Variants in RGS2 observed in about 807,000 individuals in gnomAD.
RGS2 encodes G0 to G1 switch regulatory 8, 24kD.
In RGS2, 20 loss-of-function variants were observed where a neutral mutation model predicts 26.6. The observed-to-expected ratio is 0.75, with a 90% CI of 0.53 to 1.09. RGS2 has a LOEUF of 1.09. Among genes scored for constraint, RGS2 ranks in the 50% least tolerant of loss-of-function variants. The pLI is 0.00. For missense variants in RGS2, 246 were observed against 245.5 expected (o/e 1.00, Z -0.01); for synonymous variants, 97 against 79.9 (o/e 1.21, Z -1.14).
At position 192,811,156 on chromosome 1, in the gene RGS2, A is replaced by G. The variant is rs761391867; in HGVS notation, c.441+9A>G. On this transcript the variant is annotated intron_variant, in intron 4 of 4. Transcript: ENST00000235382. ...AGGAAGCTCCAAAAGAGGTAAGGAA[A>G]CAAGTTCCTAATTTCAGCACAATCT... The G allele has an allele frequency of 8.7e-6, 14 of 1,613,832 alleles. No individual in the cohort carries two copies. The Admixed American group carries it at 1.8e-4, about 21-fold the overall frequency.
At chr1:192,810,567 C>T (rs866910811) in intron 3 of RGS2, 136 bp downstream of exon 3, 1 of 782,170 alleles carries the variant, frequency 1.3e-6, no homozygotes, top group Non-Finnish European at 2.2e-6. Flanking sequence ...TTTTTCTTTC[C>T]TTTATTTCCC....
Position 192,811,143 on chromosome 1 carries a change from A to C in RGS2, c.437A>C (p.Lys146Thr). The change falls in exon 4 of 5, where the codon AAA becomes ACA. Residue 146 changes from lysine (K) to threonine (T), a missense_variant. Transcript: ENST00000235382. ...GACTTCATAGAAAAGGAAGCTCCAAAAGAGGTAAGGAAACAAGTTCCTAAT... is the reference window on the plus strand; with the variant it reads ...GACTTCATAGAAAAGGAAGCTCCAACAGAGGTAAGGAAACAAGTTCCTAAT... ...YTDFIEKEAP[K>T]EINIDFQTKT... is the part of the protein sequence containing the mutation. 1 of 1,614,126 alleles carries C rather than the reference A, an allele frequency of 6.2e-7. No individual in the cohort carries two copies. The highest frequency in any genetic ancestry group is 1.3e-5 in the African/African-American group (1 of 75,046).
chr1:192,811,117 T>G lies in RGS2; in HGVS notation c.411T>G (p.Thr137=), dbSNP rs1557910856. Residue 137 remains threonine, a synonymous_variant, in exon 4 of 5, where the codon ACT becomes ACG. Transcript: ENST00000235382. The part of the protein sequence containing the change: ...KLSSKARKIY[T]DFIEKEAPKE... ...CCTCAAAAGCAAGGAAAATATATAC[T>G]GACTTCATAGAAAAGGAAGCTCCAA... 6.2e-7 allele frequency: 1 copy of G among 1,614,172 alleles called. No individual in the cohort carries two copies. Among genetic ancestry groups the G allele is most frequent in the East Asian group, 2.2e-5 (1 of 44,876 alleles).
intron 4 of RGS2, 103 bp from the exon 5 acceptor site, chr1:192,811,298 CT>C: frequency 7.8e-7 from 1 of 1,279,030 alleles, no homozygotes; most frequent in Non-Finnish European, 1.1e-6. Context: ...TGTGACTTAG[CT>C]AGTAAAGCTA....
chr1:192,810,266 A>G lies in RGS2; in HGVS notation c.211A>G (p.Lys71Glu). The G allele has an allele frequency of 6.2e-7, 1 of 1,612,794 alleles. No homozygotes were observed. The highest frequency in any genetic ancestry group is 1.7e-5 in the Admixed American group (1 of 60,014). Residue 71 changes from lysine (K) to glutamate (E), a missense_variant and splice_region_variant, in exon 2 of 5, where the codon AAG becomes GAG. Lys to Glu is a moderately conservative substitution (Grantham distance 56). Transcript: ENST00000235382. ...GKKSKQQAFI[K>E]PSPEEAQLWS... ...AAAAAGCAAACAGCAAGCTTTCATCAAGTAAGTTGAGAATCCTGTGCTTGC... is the reference window on the plus strand; with the variant it reads ...AAAAAGCAAACAGCAAGCTTTCATCGAGTAAGTTGAGAATCCTGTGCTTGC...
At position 192,811,128 on chromosome 1, in the gene RGS2, A is replaced by G; in HGVS notation, c.422A>G (p.Glu141Gly). 6.2e-7 allele frequency: 1 copy of G among 1,614,170 alleles called. No homozygotes were observed. The highest frequency in any genetic ancestry group is 8.5e-7 in the Non-Finnish European group (1 of 1,180,008). The change falls in exon 4 of 5, where the codon GAA becomes GGA. Residue 141 changes from glutamate (E) to glycine (G), a missense_variant. Transcript: ENST00000235382. ...KARKIYTDFI[E>G]KEAPKEINID... The stretch of plus-strand genomic sequence containing the variant: ...AGGAAAATATATACTGACTTCATAG[A>G]AAAGGAAGCTCCAAAAGAGGTAAGG...
intron 3 of RGS2, 130 bp downstream of exon 3, chr1:192,810,561 TCTTTC>T: frequency 1.2e-6 from 1 of 811,454 alleles, no homozygotes; most frequent in Non-Finnish European, 2.1e-6. Flanking sequence ...AGCCTGTTTT[TCTTTC>T]CTTTATTTCC....
chr1:192,809,082 C>A lies in RGS2; in HGVS notation c.11C>A (p.Ala4Asp), dbSNP rs142499684. 1.2e-6 allele frequency: 2 copies of A among 1,612,666 alleles called. No individual in the cohort carries two copies. Residue 4 changes from alanine (A) to aspartate (D), a missense_variant, in exon 1 of 5, where the codon GCT becomes GAT. Coordinates refer to ENST00000235382, the MANE Select transcript of RGS2 (RefSeq NM_002923.4). ...AGCGGGAGAACGATAATGCAAAGTG[C>A]TATGTTCTTGGCTGTTCAACACGAC... MQS[A>D]MFLAVQHDCR... is the part of the protein sequence containing the mutation.
chr1:192,810,397 G>A lies in RGS2; in HGVS notation c.240G>A (p.Trp80Ter). The change falls in exon 3 of 5, where the codon TGG becomes TGA. Residue 80 changes from tryptophan (W) to a stop codon, truncating the protein, a stop_gained. Transcript: ENST00000235382. LOFTEE classifies it high-confidence loss of function. The part of the protein sequence containing the change: ...IKPSPEEAQL[W>*]SEAFDELLAS... Reference sequence around the variant, plus strand: ...CTTCTCCTGAGGAAGCACAGCTGTGGTCAGAAGCATTTGACGAGCTGCTAG... The same window carrying A: ...CTTCTCCTGAGGAAGCACAGCTGTGATCAGAAGCATTTGACGAGCTGCTAG... The A allele has an allele frequency of 1.9e-6, 3 of 1,614,216 alleles. No individual in the cohort carries two copies. The highest frequency in any genetic ancestry group is 2.5e-6 in the Non-Finnish European group (3 of 1,180,032).
At chr1:192,811,322 T>G (rs2102106894) in intron 4 of RGS2, 80 bp from the exon 5 acceptor site, 2 of 1,358,860 alleles carry the variant, frequency 1.5e-6, no homozygotes, top group East Asian at 4.7e-5. Flanking sequence ...CACACATAAT[T>G]TTTATTTTTT....
At chr1:192,811,217 A>G (rs1301936038) in intron 4 of RGS2, 70 bp downstream of exon 4, 1 of 1,577,122 alleles carries the variant, frequency 6.3e-7, no homozygotes, top group Non-Finnish European at 8.7e-7. Flanking sequence ...CAAAGTAATC[A>G]AGGACAAAGC....
rs1208287750 is a variant in RGS2, at chr1:192,812,258, T to C, written c.*662T>C. On this transcript the variant is annotated 3_prime_UTR_variant, in exon 5 of 5. Coordinates refer to ENST00000235382, the MANE Select transcript of RGS2 (RefSeq NM_002923.4). ...TTTGAATACTTTTAATAAATTTATT[T>C]TGATAAATAATATTGAACACTTGGA... 6.6e-6 allele frequency: 1 copy of C among 152,606 alleles called. No homozygotes were observed. The highest frequency in any genetic ancestry group is 1.5e-5 in the Non-Finnish European group (1 of 68,114). 9.5% of individuals were successfully genotyped at this position (152,606 alleles called of 1,614,324 possible).
In RGS2 at chr1:192,811,951, T is replaced by C. The variant is rs1464855771; in HGVS notation, c.*355T>C. On this transcript the variant is annotated 3_prime_UTR_variant, in exon 5 of 5. Transcript: ENST00000235382. ...CTGGGATTATGTGGCCTTAGGTAGCTGGTTGTACATCTTTCCCTAAATCGA... is the reference window on the plus strand; with the variant it reads ...CTGGGATTATGTGGCCTTAGGTAGCCGGTTGTACATCTTTCCCTAAATCGA... 6.1e-6 allele frequency: 2 copies of C among 328,442 alleles called. No individual in the cohort carries two copies. Among genetic ancestry groups the C allele is most frequent in the East Asian group, 1.5e-4 (2 of 13,704 alleles). 20.3% of individuals were successfully genotyped at this position (328,442 alleles called of 1,614,324 possible).
intron 1 of RGS2, 32 bp downstream of exon 1, chr1:192,809,213 C>G (rs757061626): frequency 4.3e-5 from 62 of 1,457,860 alleles, no homozygotes; most frequent in Non-Finnish European, 5.6e-5. Context: ...CTCCCGCCAC[C>G]CCCTGCCCCA....
intron 3 of RGS2, chr1:192,810,752 T>C: frequency 1.6e-6 from 1 of 618,406 alleles, no homozygotes; most frequent in Non-Finnish European, 2.9e-6. Context: ...ATATTTACTT[T>C]GCATTGACAG....
intron 4 of RGS2, 56 bp downstream of exon 4, chr1:192,811,203 GAAAC>G (rs2102106737): frequency 6.3e-7 from 1 of 1,584,440 alleles, no homozygotes; most frequent in Admixed American, 1.7e-5. Flanking sequence ...GCACAAAAGT[GAAAC>G]AAAGTAATCA....
At position 192,811,527 on chromosome 1, in the gene RGS2, C is replaced by T. The variant is rs77813283; in HGVS notation, c.567C>T (p.Phe189=). The change falls in exon 5 of 5, where the codon TTC becomes TTT. Residue 189 remains phenylalanine, a synonymous_variant. Transcript: ENST00000235382. ...TGGAGAACAACTCTTATCCTCGTTT[C>T]TTGGAGTCAGAATTCTACCAGGACT... is the stretch of plus-strand genomic sequence containing the variant. ...SLMENNSYPR[F]LESEFYQDLC... is the part of the protein sequence containing the mutation. 6,675 of 1,614,138 alleles carry T rather than the reference C, an allele frequency of 4.1e-3. 256 individuals carry two copies. In the Admixed American group the frequency reaches 0.078, roughly 19 times the overall value.
In RGS2 at chr1:192,812,175, A is replaced by C. The variant is rs1665602523; in HGVS notation, c.*579A>C. ...TGAGTGCTATGGTGTTGAAAACTGC[A>C]GTGTCCGTTATGAGTGCCAAAAATC... On this transcript the variant is annotated 3_prime_UTR_variant, in exon 5 of 5. Coordinates refer to ENST00000235382, the MANE Select transcript of RGS2 (RefSeq NM_002923.4). The C allele has an allele frequency of 1.3e-5, 2 of 155,178 alleles. No homozygotes were observed. Among genetic ancestry groups the C allele is most frequent in the Admixed American group, 1.3e-4 (2 of 15,670 alleles). The allele number at this position is 155,178 out of a possible 1,614,324, so 9.6% of individuals were successfully genotyped here. A position where few individuals can be genotyped will look rare whatever the true frequency, so the allele number is the denominator to read the frequency against.
rs768780407 is a variant in RGS2, at chr1:192,811,141, A to C, written c.435A>C (p.Pro145=). ...CTGACTTCATAGAAAAGGAAGCTCCAAAAGAGGTAAGGAAACAAGTTCCTA... is the reference window on the plus strand; with the variant it reads ...CTGACTTCATAGAAAAGGAAGCTCCCAAAGAGGTAAGGAAACAAGTTCCTA... ...IYTDFIEKEA[P]KEINIDFQTK... is the part of the protein sequence containing the mutation. The change falls in exon 4 of 5, where the codon CCA becomes CCC. Residue 145 remains proline, a synonymous_variant. Coordinates refer to ENST00000235382, the MANE Select transcript of RGS2 (RefSeq NM_002923.4). The C allele has an allele frequency of 1.2e-6, 2 of 1,614,150 alleles. No individual in the cohort carries two copies. Among genetic ancestry groups the C allele is most frequent in the Non-Finnish European group, 1.7e-6 (2 of 1,179,980 alleles).
Sources: gnomAD v4.1 joint callset for allele counts on GRCh38, gnomAD v4.1.1 for gene constraint, MANE v1.5 for transcripts, NCBI Gene and HGNC (gene_info 2026-07-23, HGNC 2026-07-21) for gene names.